Variants in NLRP4 observed in about 807,000 individuals in gnomAD.
NLRP4 encodes NLR family pyrin domain containing 4, also known as NACHT, LRR and PYD domains-containing protein 4.
In NLRP4, 44 loss-of-function variants were observed where a neutral mutation model predicts 84.7. The ratio of observed to expected loss-of-function variants is 0.52; its 90% CI spans 0.41 to 0.67. The LOEUF is 0.67. Ranked by LOEUF, NLRP4 falls within the 30% of genes least tolerant of loss-of-function variation. The pLI, the probability that NLRP4 is intolerant of heterozygous loss-of-function variation, is 0.00. For missense variants in NLRP4, 1,260 were observed against 1,219.4 expected, an observed-to-expected ratio of 1.03 and a Z score of -0.50; for synonymous variants, 544 against 476.4, an observed-to-expected ratio of 1.14 and a Z score of -1.85.
At chr19:55,843,735 A>T (rs904878213) in intron 1 of NLRP4, among the ~76,000 whole-genome samples, 8 of 152,074 alleles carry the variant, frequency 5.3e-5, no homozygotes, top group Non-Finnish European at 8.8e-5. Context: ...GCAATCTTAT[A>T]TTAGGTTGGT....
intron 1 of NLRP4, among the ~76,000 whole-genome samples, chr19:55,851,352 T>TGGCTGCGGTGTAATGTCCGA (rs1568659740): frequency 5.3e-4 from 25 of 46,882 alleles, no homozygotes; most frequent in East Asian, 3.3e-3. Flanking sequence ...GTAATGTCCG[T>TGGCTGCGGTGTAATGTCCGA]GGCTGCGGTG....
At chr19:55,859,934 A>AAG (rs1984662899) in intron 3 of NLRP4, among the ~76,000 whole-genome samples, 1 of 133,284 alleles carries the variant, frequency 7.5e-6, no homozygotes, top group Non-Finnish European at 1.7e-5. Context: ...TCCAAAAAAA[A>AAG]AAAAAAAAAA....
intron 6 of NLRP4, among the ~76,000 whole-genome samples, chr19:55,870,094 T>G (rs1052448696): frequency 6.8e-6 from 1 of 147,378 alleles, no homozygotes; most frequent in African/African-American, 2.6e-5. Flanking sequence ...CCATACCCTG[T>G]CTCCAAAAAA....
chr19:55,844,752 AC>A (rs1240139886), intron 1 of NLRP4, among the ~76,000 whole-genome samples: 7 of 152,172 alleles, frequency 4.6e-5, no homozygotes, highest in Non-Finnish European at 1.0e-4. Flanking sequence ...CATTGTATCT[AC>A]GAGTATGCTA....
At position 55,867,057 on chromosome 19, in the gene NLRP4, G is replaced by A. The variant is rs145115919; in HGVS notation, c.2187-652G>A. ...AGCCAAGCATGCATATAACTGAGAC[G>A]GTGCATCTCAGGTTGGCTGTCTCTG... On this transcript the variant is annotated intron_variant, in intron 5 of 9. Coordinates refer to ENST00000301295, the MANE Select transcript of NLRP4 (RefSeq NM_134444.5). 2.4e-3 allele frequency among the ~76,000 whole-genome samples: 307 copies of A among 128,902 alleles called. 5 individuals carry two copies. In the East Asian group the frequency reaches 0.04, roughly 17 times the overall value. 84.6% of individuals were successfully genotyped at this position (128,902 alleles called of 152,430 possible). A position where few individuals can be genotyped will look rare whatever the true frequency, so the allele number is the denominator to read the frequency against.
chr19:55,874,585 GACAAA>G (rs757048004), intron 7 of NLRP4, among the ~76,000 whole-genome samples: 2 of 152,112 alleles, frequency 1.3e-5, no homozygotes, highest in Non-Finnish European at 2.9e-5. Context: ...ATGTACTCAA[GACAAA>G]AGAAAAATGA....
intron 3 of NLRP4, 91 bp from the exon 4 acceptor site, chr19:55,861,295 T>C (rs1984739991): frequency 9.3e-7 from 1 of 1,080,076 alleles, no homozygotes; most frequent in African/African-American, 1.6e-5. Flanking sequence ...AGACATCTTC[T>C]GTTTGAGAAG....
At chr19:55,865,721 G>A (rs1984928609) in intron 5 of NLRP4, among the ~76,000 whole-genome samples, 1 of 152,064 alleles carries the variant, frequency 6.6e-6, no homozygotes, top group African/African-American at 2.4e-5. Context: ...TGATTAATGA[G>A]CATTTCTTCA....
intron 1 of NLRP4, among the ~76,000 whole-genome samples, chr19:55,847,262 T>C (rs1313572669): frequency 6.6e-6 from 1 of 152,238 alleles, no homozygotes; most frequent in Non-Finnish European, 1.5e-5. Context: ...TATTGATCTC[T>C]AATTTCATTG....
At chr19:55,867,413 G>A (rs757964035) in intron 5 of NLRP4, among the ~76,000 whole-genome samples, 13 of 149,964 alleles carry the variant, frequency 8.7e-5, no homozygotes, top group Non-Finnish European at 1.5e-4. Context: ...GGCTGTCTCT[G>A]TACCCCAGAG....
chr19:55,853,811 CTT>C (rs1401191235), intron 2 of NLRP4, among the ~76,000 whole-genome samples: 6 of 127,080 alleles, frequency 4.7e-5, no homozygotes, highest in East Asian at 2.1e-4. Flanking sequence ...CTCTCTTTCT[CTT>C]TCTTTCTTGC....
At chr19:55,865,884 T>C in intron 5 of NLRP4, among the ~76,000 whole-genome samples, 1 of 152,342 alleles carries the variant, frequency 6.6e-6, no homozygotes, top group South Asian at 2.1e-4. Context: ...CGTTTCACTT[T>C]CTTAATGGTG....
At chr19:55,880,276 T>G (rs542466525) in intron 9 of NLRP4, among the ~76,000 whole-genome samples, 2 of 152,244 alleles carry the variant, frequency 1.3e-5, no homozygotes, top group Non-Finnish European at 2.9e-5. Context: ...TTCTTTCTCA[T>G]TTTAATGTTT....
intron 3 of NLRP4, among the ~76,000 whole-genome samples, chr19:55,859,458 A>AG (rs1984631285): frequency 6.6e-6 from 1 of 152,130 alleles, no homozygotes; most frequent in Non-Finnish European, 1.5e-5. Context: ...TGGCCCCATT[A>AG]CAGAAGGGGG....
chr19:55,845,224 T>C (rs1983750773), intron 1 of NLRP4, among the ~76,000 whole-genome samples: 1 of 133,842 alleles, frequency 7.5e-6, no homozygotes, highest in African/African-American at 2.8e-5. Context: ...CCCCTTCCTG[T>C]GTCCATGTGT....
chr19:55,856,024 C>T lies in NLRP4; in HGVS notation c.281-1650C>T, dbSNP rs189210245. On this transcript the variant is annotated intron_variant, in intron 2 of 9. Coordinates refer to ENST00000301295, the MANE Select transcript of NLRP4 (RefSeq NM_134444.5). ...CTGGTTTTAGTTTTCGAGACAGTCT[C>T]GCTCTATTGCCAGGGCTAGATTACA... Among the ~76,000 whole-genome samples the T allele has an allele frequency of 2.0e-3, 310 of 152,324 alleles. 2 individuals carry two copies. Among genetic ancestry groups the T allele is most frequent in the African/African-American group, 6.9e-3 (287 of 41,562 alleles).
chr19:55,867,801 G>A lies in NLRP4; in HGVS notation c.2279G>A (p.Cys760Tyr). ...AAGCTGACGTATCTGAATGTATCCTGCAACCAGTTAGACACAGGCGTGCCC... is the reference window on the plus strand; with the variant it reads ...AAGCTGACGTATCTGAATGTATCCTACAACCAGTTAGACACAGGCGTGCCC... The part of the protein sequence containing the change: ...NKKLTYLNVS[C>Y]NQLDTGVPLL... The change falls in exon 6 of 10, where the codon TGC (cysteine) becomes TAC (tyrosine). Residue 760 changes from cysteine (C) to tyrosine (Y), a missense_variant. By Grantham distance (194) the Cys-to-Tyr change is radical. Transcript: ENST00000301295. The A allele has an allele frequency of 6.2e-7, 1 of 1,614,152 alleles. No individual in the cohort carries two copies. Among genetic ancestry groups the A allele is most frequent in the Non-Finnish European group, 8.5e-7 (1 of 1,180,000 alleles).
At chr19:55,874,994 A>T (rs943886032) in intron 7 of NLRP4, among the ~76,000 whole-genome samples, 2 of 152,204 alleles carry the variant, frequency 1.3e-5, no homozygotes, top group Non-Finnish European at 2.9e-5. Flanking sequence ...ATCAATGTAA[A>T]TCACTTTACT....
Position 55,878,781 on chromosome 19 carries a change from C to T in NLRP4, c.2697-13C>T. 1 of 1,606,300 alleles carries T rather than the reference C, an allele frequency of 6.2e-7. No homozygotes were observed. Among genetic ancestry groups the T allele is most frequent in the Non-Finnish European group, 8.5e-7 (1 of 1,174,830 alleles). Reference sequence around the variant, plus strand: ...GCTGGGGCCGCATCTTACCATGTGTCTTTTTATTGCAGGTTGGAAGAATGT... The same window carrying T: ...GCTGGGGCCGCATCTTACCATGTGTTTTTTTATTGCAGGTTGGAAGAATGT... On this transcript the variant is annotated splice_polypyrimidine_tract_variant and intron_variant, in intron 8 of 9. Transcript: ENST00000301295.
Sources: allele counts gnomAD v4.1 joint callset (sites outside exome capture counted in the v4.1 genomes callset), GRCh38; gene constraint gnomAD v4.1.1; transcripts MANE v1.5; gene names NCBI Gene and HGNC (gene_info 2026-07-23, HGNC 2026-07-21).